Variants in CFAP44 observed in about 807,000 individuals in gnomAD.
The protein encoded by CFAP44 is cilia- and flagella-associated protein 44.
Under a neutral mutation model 216.2 loss-of-function variants are expected in CFAP44, and 134 were observed. That is an observed-to-expected ratio of 0.62 (90% CI 0.54 to 0.72). The LOEUF (loss-of-function observed/expected upper bound fraction) is 0.72. CFAP44 is among the 30% of genes least tolerant of loss of function. The pLI is 0.00. For synonymous variants in CFAP44, 700 were observed against 727.6 expected, an observed-to-expected ratio of 0.96 and a Z score of 0.61; for missense variants, 2,035 against 2,182.1, an observed-to-expected ratio of 0.93 and a Z score of 1.34.
chr3:113,291,132 A>G lies in CFAP44; in HGVS notation c.*425T>C, dbSNP rs1047470959. ...TGCATCCTCTCAGAGAACACTTAATAACATCTAAGTTTATTTTCTAAGGAT... is the reference window on the plus strand; with the variant it reads ...TGCATCCTCTCAGAGAACACTTAATGACATCTAAGTTTATTTTCTAAGGAT... On this transcript the variant is annotated 3_prime_UTR_variant, in exon 35 of 35. Transcript: ENST00000393845. The G allele has an allele frequency of 6.2e-6, 1 of 162,492 alleles. No individual in the cohort carries two copies. Among genetic ancestry groups the G allele is most frequent in the Non-Finnish European group, 1.4e-5 (1 of 73,314 alleles). The allele number at this position is 162,492 out of a possible 1,614,324, so 10.1% of individuals were successfully genotyped here. A position where few individuals can be genotyped will look rare whatever the true frequency, so the allele number is the denominator to read the frequency against.
At chr3:113,373,344 A>G in intron 18 of CFAP44, 67 bp downstream of exon 18, 4 of 1,334,048 alleles carry the variant, frequency 3.0e-6, no homozygotes, top group Non-Finnish European at 3.9e-6. Context: ...GACAATATCC[A>G]TGATGAACAA....
intron 28 of CFAP44, among the ~76,000 whole-genome samples, chr3:113,317,891 G>C (rs981182936): frequency 6.6e-6 from 1 of 152,268 alleles, no homozygotes; most frequent in Non-Finnish European, 1.5e-5. Context: ...CACAGTGCCA[G>C]TGATTGGAGG....
At chr3:113,439,958 C>A (rs1935323432) in intron 1 of CFAP44, among the ~76,000 whole-genome samples, 1 of 151,348 alleles carries the variant, frequency 6.6e-6, no homozygotes. Flanking sequence ...AATAGCTTGT[C>A]TTTTTTAATG....
At chr3:113,322,705 C>T (rs1004572016) in intron 28 of CFAP44, among the ~76,000 whole-genome samples, 1 of 152,160 alleles carries the variant, frequency 6.6e-6, no homozygotes, top group Non-Finnish European at 1.5e-5. Flanking sequence ...AATGAGCCAC[C>T]ATTTGACCCA....
At chr3:113,355,443 C>T (rs1056911429) in intron 22 of CFAP44, among the ~76,000 whole-genome samples, 27 of 152,128 alleles carry the variant, frequency 1.8e-4, no homozygotes, top group African/African-American at 6.5e-4. Context: ...TTGCTTGAAC[C>T]CAAGAGGCAG....
At chr3:113,318,753 A>G (rs1399686293) in intron 28 of CFAP44, among the ~76,000 whole-genome samples, 3 of 152,182 alleles carry the variant, frequency 2.0e-5, no homozygotes, top group African/African-American at 7.2e-5. Context: ...ACAAGCAAGA[A>G]GAGACTGGGG....
intron 28 of CFAP44, among the ~76,000 whole-genome samples, chr3:113,310,977 G>A (rs1052946506): frequency 3.9e-5 from 6 of 152,144 alleles, no homozygotes; most frequent in Non-Finnish European, 7.4e-5. Flanking sequence ...CCAATTAAAC[G>A]TCTTTTCTTA....
intron 27 of CFAP44, 115 bp downstream of exon 27, chr3:113,327,501 A>G: frequency 1.1e-6 from 1 of 896,848 alleles, no homozygotes; most frequent in Non-Finnish European, 1.6e-6. Flanking sequence ...GGGAAAGAAG[A>G]CAAGAAAGAG....
chr3:113,401,574 T>C lies in CFAP44; in HGVS notation c.1326+10A>G, dbSNP rs755469724. The C allele has an allele frequency of 6.2e-7, 1 of 1,612,292 alleles. No individual in the cohort carries two copies. Among genetic ancestry groups the C allele is most frequent in the Non-Finnish European group, 8.5e-7 (1 of 1,179,426 alleles). On this transcript the variant is annotated intron_variant, in intron 10 of 34. Coordinates refer to ENST00000393845, the MANE Select transcript of CFAP44 (RefSeq NM_001164496.2). ...ATGTTAAAGAGCCAAGAGACAAGAA[T>C]GCAACACACCTGAGCCAACCAAAAG...
intron 24 of CFAP44, among the ~76,000 whole-genome samples, chr3:113,338,229 C>A (rs1404191627): frequency 1.6e-5 from 2 of 123,066 alleles, no homozygotes; most frequent in African/African-American, 6.3e-5. Flanking sequence ...TGCATGCCAG[C>A]CTGGACAACA....
chr3:113,315,837 G>A (rs1950081486), intron 28 of CFAP44, among the ~76,000 whole-genome samples: 1 of 152,156 alleles, frequency 6.6e-6, no homozygotes, highest in African/African-American at 2.4e-5. Context: ...CCCAACTCCA[G>A]GCTAACATAA....
chr3:113,298,433 G>A (rs1193065673), intron 32 of CFAP44, among the ~76,000 whole-genome samples: 1 of 152,138 alleles, frequency 6.6e-6, no homozygotes, highest in Non-Finnish European at 1.5e-5. Context: ...TAACTGCAGT[G>A]TTATTCACCA....
intron 15 of CFAP44, among the ~76,000 whole-genome samples, chr3:113,391,281 G>A (rs1933831637): frequency 6.6e-6 from 1 of 152,098 alleles, no homozygotes; most frequent in Admixed American, 6.6e-5. Flanking sequence ...GGAAAAACTG[G>A]ATATCCATAT....
intron 22 of CFAP44, among the ~76,000 whole-genome samples, chr3:113,356,359 G>C (rs953822901): frequency 6.6e-6 from 1 of 151,782 alleles, no homozygotes; most frequent in Non-Finnish European, 1.5e-5. Flanking sequence ...ATTTTAGCAG[G>C]CTTTTTGTAA....
At chr3:113,394,695 TACACTA>T (rs1200905456) in intron 15 of CFAP44, among the ~76,000 whole-genome samples, 1 of 151,892 alleles carries the variant, frequency 6.6e-6, no homozygotes, top group Non-Finnish European at 1.5e-5. Flanking sequence ...ACACATAAAA[TACACTA>T]ACACTAACAA....
Position 113,341,910 on chromosome 3 carries a change from C to T in CFAP44, c.3271G>A (p.Val1091Ile), listed in dbSNP as rs1160731933. The T allele has an allele frequency of 3.3e-6, 5 of 1,527,664 alleles. No homozygotes were observed. Among genetic ancestry groups the T allele is most frequent in the Non-Finnish European group, 4.4e-6 (5 of 1,144,838 alleles). 94.6% of individuals were successfully genotyped at this position (1,527,664 alleles called of 1,614,324 possible). Reference protein sequence around the residue: ...KDSQRDAGGSVTIQEESIIEK... With the variant: ...KDSQRDAGGSITIQEESIIEK... The stretch of plus-strand genomic sequence containing the variant: ...ATTATTGATTCTTCTTGTATGGTAA[C>T]ACTCCCACCTACATAGAGAATCAAC... Residue 1091 changes from valine to isoleucine, a missense_variant, in exon 24 of 35, where the codon GTT becomes ATT. Around this residue, in one of 3 missense-constraint regions of CFAP44, gnomAD observed 1,883 missense variants for 2,023.7 expected, o/e 0.93. Transcript: ENST00000393845.
intron 22 of CFAP44, among the ~76,000 whole-genome samples, chr3:113,357,467 T>C (rs1272058749): frequency 6.6e-6 from 1 of 151,924 alleles, no homozygotes; most frequent in East Asian, 1.9e-4. Flanking sequence ...AAGCAGAGGA[T>C]TTGGAGAGAT....
intron 6 of CFAP44, 124 bp from the exon 7 acceptor site, chr3:113,409,446 G>T: frequency 1.3e-6 from 1 of 791,088 alleles, no homozygotes; most frequent in Non-Finnish European, 2.0e-6. Context: ...TACCCTAAAG[G>T]AACAATTCCA....
intron 15 of CFAP44, among the ~76,000 whole-genome samples, chr3:113,392,268 G>T (rs1409780552): frequency 1.3e-5 from 2 of 152,134 alleles, no homozygotes; most frequent in Admixed American, 6.5e-5. Flanking sequence ...GGAACTGGAG[G>T]TTATTAAGTT....
Sources: allele counts gnomAD v4.1 joint callset (sites outside exome capture counted in the v4.1 genomes callset), GRCh38; gene constraint gnomAD v4.1.1; regional missense constraint gnomAD v4.1.1; transcripts MANE v1.5; gene names NCBI Gene and HGNC (gene_info 2026-07-23, HGNC 2026-07-21).